Variants in SHROOM3 observed in about 807,000 individuals in gnomAD.
SHROOM3 encodes shroom family member 3.
A neutral mutation model predicts 138.6 loss-of-function variants in SHROOM3; 47 were observed. The ratio of observed to expected loss-of-function variants is 0.34; its 90% CI spans 0.27 to 0.43. The LOEUF (loss-of-function observed/expected upper bound fraction) is 0.43, where lower values mean the gene tolerates loss of function less well. SHROOM3 is among the 20% of genes least tolerant of loss of function. The pLI is 1.00. For synonymous variants in SHROOM3, 1,062 were observed against 1,063.3 expected, an observed-to-expected ratio of 1.00 and a Z score of 0.02; for missense variants, 2,491 against 2,596.5, an observed-to-expected ratio of 0.96 and a Z score of 0.88.
chr4:76,542,618 C>G (rs1457314935), intron 1 of SHROOM3, among the ~76,000 whole-genome samples: 9 of 152,158 alleles, frequency 5.9e-5, no homozygotes, highest in African/African-American at 2.2e-4. Context: ...CTGTGGAAGG[C>G]TCTGGAAGCT....
intron 2 of SHROOM3, among the ~76,000 whole-genome samples, chr4:76,616,926 T>G (rs1436690729): frequency 6.6e-6 from 1 of 152,226 alleles, no homozygotes; most frequent in Non-Finnish European, 1.5e-5. Context: ...ATGGAACAGA[T>G]AGTGAAGTTA....
intron 1 of SHROOM3, among the ~76,000 whole-genome samples, chr4:76,547,184 A>C (rs1375161587): frequency 6.6e-6 from 1 of 152,182 alleles, no homozygotes; most frequent in African/African-American, 2.4e-5. Context: ...TGGGCACTTG[A>C]AGGATTAGGC....
At chr4:76,553,618 C>A (rs1413839649) in intron 1 of SHROOM3, among the ~76,000 whole-genome samples, 2 of 151,886 alleles carry the variant, frequency 1.3e-5, no homozygotes, top group African/African-American at 4.8e-5. Flanking sequence ...AGCCTCCCAA[C>A]TAGCTGGGAT....
At chr4:76,475,338 A>G (rs549153528) in intron 1 of SHROOM3, among the ~76,000 whole-genome samples, 6 of 152,304 alleles carry the variant, frequency 3.9e-5, no homozygotes, top group South Asian at 4.1e-4. Flanking sequence ...ATGGGTTGCT[A>G]TATTAGAATA....
chr4:76,500,847 C>T (rs1226667250), intron 1 of SHROOM3, among the ~76,000 whole-genome samples: 3 of 151,982 alleles, frequency 2.0e-5, no homozygotes, highest in Non-Finnish European at 4.4e-5. Flanking sequence ...CTCTCTATTG[C>T]CCAGGCTGGA....
intron 1 of SHROOM3, among the ~76,000 whole-genome samples, chr4:76,454,684 T>G (rs919421866): frequency 6.6e-6 from 1 of 152,182 alleles, no homozygotes; most frequent in African/African-American, 2.4e-5. Context: ...TAAGATAGGT[T>G]TTTTTATTTC....
At chr4:76,458,814 C>T (rs952034295) in intron 1 of SHROOM3, among the ~76,000 whole-genome samples, 3 of 152,156 alleles carry the variant, frequency 2.0e-5, no homozygotes, top group Non-Finnish European at 4.4e-5. Flanking sequence ...AGTGAATGTT[C>T]TTGAATTTAT....
chr4:76,494,258 G>C (rs947155912), intron 1 of SHROOM3, among the ~76,000 whole-genome samples: 1 of 151,836 alleles, frequency 6.6e-6, no homozygotes, highest in African/African-American at 2.4e-5. Context: ...ACCTTTTCAG[G>C]TGTTATTTAT....
At chr4:76,614,550 G>T (rs1734832901) in intron 2 of SHROOM3, among the ~76,000 whole-genome samples, 1 of 152,074 alleles carries the variant, frequency 6.6e-6, no homozygotes, top group African/African-American at 2.4e-5. Context: ...GTATATATGT[G>T]CCATGGTGGT....
chr4:76,753,379 C>G (rs1184629950), intron 6 of SHROOM3, among the ~76,000 whole-genome samples: 4 of 152,208 alleles, frequency 2.6e-5, no homozygotes, highest in Non-Finnish European at 5.9e-5. Context: ...TGTTATTGCT[C>G]TGATGTGGGA....
intron 2 of SHROOM3, among the ~76,000 whole-genome samples, chr4:76,572,363 A>T (rs1176264760): frequency 6.6e-6 from 1 of 152,196 alleles, no homozygotes; most frequent in Non-Finnish European, 1.5e-5. Context: ...CCTTCAGGTC[A>T]TGGGCAGAAA....
intron 2 of SHROOM3, chr4:76,709,736 T>C (rs1720174063): frequency 7.3e-6 from 2 of 275,806 alleles, no homozygotes; most frequent in South Asian, 3.8e-5. Context: ...TAAAGAGAAC[T>C]TGAGAAGTGA....
intron 1 of SHROOM3, among the ~76,000 whole-genome samples, chr4:76,471,852 T>A (rs1203582721): frequency 6.6e-6 from 1 of 152,050 alleles, no homozygotes; most frequent in Non-Finnish European, 1.5e-5. Flanking sequence ...AGCTCTCAGT[T>A]CTTTTGGGCA....
At chr4:76,774,581 T>C (rs990987458) in intron 10 of SHROOM3, among the ~76,000 whole-genome samples, 1 of 152,126 alleles carries the variant, frequency 6.6e-6, no homozygotes, top group Non-Finnish European at 1.5e-5. Flanking sequence ...TATACATTAC[T>C]GATGTCTAAA....
At chr4:76,775,981 G>T (rs1199413079) in intron 10 of SHROOM3, among the ~76,000 whole-genome samples, 1 of 151,874 alleles carries the variant, frequency 6.6e-6, no homozygotes, top group Non-Finnish European at 1.5e-5. Context: ...CTTTTCTCTG[G>T]ATAGATACCC....
chr4:76,561,281 C>G (rs535285790), intron 2 of SHROOM3, among the ~76,000 whole-genome samples: 2 of 152,070 alleles, frequency 1.3e-5, no homozygotes, highest in African/African-American at 4.8e-5. Flanking sequence ...TTTAGTAGTA[C>G]TAGTAGTAGT....
intron 2 of SHROOM3, among the ~76,000 whole-genome samples, chr4:76,669,833 T>C (rs1718825059): frequency 6.6e-6 from 1 of 152,216 alleles, no homozygotes; most frequent in African/African-American, 2.4e-5. Context: ...GACATGCTGC[T>C]CAAAAACGGG....
At chr4:76,706,592 G>A (rs1013146960) in intron 2 of SHROOM3, among the ~76,000 whole-genome samples, 1 of 152,160 alleles carries the variant, frequency 6.6e-6, no homozygotes, top group Admixed American at 6.5e-5. Flanking sequence ...TGGACGAAGA[G>A]GTGGAAGGGA....
chr4:76,652,164 G>A (rs1196756877), intron 2 of SHROOM3, among the ~76,000 whole-genome samples: 1 of 152,198 alleles, frequency 6.6e-6, no homozygotes, highest in Non-Finnish European at 1.5e-5. Flanking sequence ...CTTACCTGGT[G>A]TTGGCAGTTG....
Sources: allele counts gnomAD v4.1 joint callset (sites outside exome capture counted in the v4.1 genomes callset), GRCh38; gene constraint gnomAD v4.1.1; transcripts MANE v1.5; gene names NCBI Gene and HGNC (gene_info 2026-07-23, HGNC 2026-07-21).